SDCCAG8: variants seen among roughly 807,000 people sequenced by gnomAD.
The protein encoded by SDCCAG8 is serologically defined colon cancer antigen 8.
In SDCCAG8, 74 loss-of-function variants were observed where a neutral mutation model predicts 101.8. That is an observed-to-expected ratio of 0.73 (90% CI 0.60 to 0.88). The LOEUF is 0.88. SDCCAG8 is among the 40% of genes least tolerant of loss of function. The pLI is 0.00. For missense variants in SDCCAG8, 787 were observed against 822.6 expected (o/e 0.96, Z 0.53); for synonymous variants, 281 against 292.9 (o/e 0.96, Z 0.41).
intron 16 of SDCCAG8, among the ~76,000 whole-genome samples, chr1:243,455,149 A>G (rs1230492207): frequency 6.6e-6 from 1 of 152,248 alleles, no homozygotes; most frequent in South Asian, 2.1e-4. Flanking sequence ...GAATGAAGAA[A>G]TGAAAACTTT....
At chr1:243,344,165 T>C (rs757379289) in intron 11 of SDCCAG8, 50 bp from the exon 12 acceptor site, 1 of 1,466,058 alleles carries the variant, frequency 6.8e-7, no homozygotes, top group South Asian at 1.1e-5. Context: ...TTGCAGGCAT[T>C]GCCTGGTAGA....
At chr1:243,292,221 C>T (rs968933036) in intron 5 of SDCCAG8, among the ~76,000 whole-genome samples, 1 of 152,094 alleles carries the variant, frequency 6.6e-6, no homozygotes, top group African/African-American at 2.4e-5. Flanking sequence ...TGGCTGTTGG[C>T]GATTAAGTCA....
At chr1:243,279,480 G>A (rs2068850861) in intron 4 of SDCCAG8, among the ~76,000 whole-genome samples, 1 of 152,208 alleles carries the variant, frequency 6.6e-6, no homozygotes. Flanking sequence ...CATATTGCTA[G>A]CTTGAGAAAA....
In SDCCAG8 at chr1:243,474,271, C is replaced by A. The variant is rs1395291685; in HGVS notation, c.1986-14743C>A. ...GAGCATGGAGTTAATGAAGCTTTCA[C>A]CCATCTCCTCCTCTCAACCGTCATC... is the stretch of plus-strand genomic sequence containing the variant. On this transcript the variant is annotated intron_variant, in intron 16 of 17. Coordinates refer to ENST00000366541, the MANE Select transcript of SDCCAG8 (RefSeq NM_006642.5). The surrounding 1 kb of genome is among the most constrained non-coding windows in gnomAD (Gnocchi z 4.7). 2.0e-5 allele frequency among the ~76,000 whole-genome samples: 3 copies of A among 152,196 alleles called. No homozygotes were observed. The highest frequency in any genetic ancestry group is 2.0e-4 in the Admixed American group (3 of 15,286).
rs897520536 is a variant in SDCCAG8, at chr1:243,472,013, C to T, written c.1986-17001C>T. ...CATTCTTATTTTGGGAGGCTGGAGG[C>T]GGGAGAAGCAGTGAGACCTCACAAC... On this transcript the variant is annotated intron_variant, in intron 16 of 17. Transcript: ENST00000366541. 8.5e-5 allele frequency among the ~76,000 whole-genome samples: 13 copies of T among 152,150 alleles called. No individual in the cohort carries two copies. In the South Asian group the frequency reaches 1.7e-3, roughly 19 times the overall value.
At chr1:243,265,342 A>G (rs1435331967) in intron 1 of SDCCAG8, among the ~76,000 whole-genome samples, 1 of 152,226 alleles carries the variant, frequency 6.6e-6, no homozygotes, top group Non-Finnish European at 1.5e-5. Context: ...GTAGTTGCAA[A>G]CAAACAAACC....
intron 12 of SDCCAG8, among the ~76,000 whole-genome samples, chr1:243,354,684 C>T (rs529508220): frequency 1.6e-4 from 24 of 152,282 alleles, no homozygotes; most frequent in East Asian, 1.2e-3. Flanking sequence ...ACTAGAGAAA[C>T]GCACCATTAA....
At chr1:243,300,248 C>T (rs555423724) in intron 6 of SDCCAG8, among the ~76,000 whole-genome samples, 14 of 152,210 alleles carry the variant, frequency 9.2e-5, no homozygotes, top group African/African-American at 3.4e-4. Flanking sequence ...CTTGATTGCT[C>T]ACTTCAGAAA....
At chr1:243,492,510 G>T (rs1037265440) in intron 17 of SDCCAG8, among the ~76,000 whole-genome samples, 2 of 150,844 alleles carry the variant, frequency 1.3e-5, no homozygotes, top group Non-Finnish European at 2.9e-5. Flanking sequence ...CGCCATGTTG[G>T]CCAGGCTGGT....
rs189723696 is a variant in SDCCAG8 at position 243,322,606 on chromosome 1, G to A, written c.1068+5713G>A. On this transcript the variant is annotated intron_variant, in intron 9 of 17. Transcript: ENST00000366541. ...CTCCACCCTGATCACTGTTAAATCC[G>A]TAGCATCTTGCGTAGATCTCAACAC... 3.3e-3 allele frequency among the ~76,000 whole-genome samples: 503 copies of A among 152,166 alleles called. 1 individual carries two copies. Among genetic ancestry groups the A allele is most frequent in the Non-Finnish European group, 5.2e-3 (357 of 68,004 alleles).
intron 16 of SDCCAG8, among the ~76,000 whole-genome samples, chr1:243,486,087 C>G (rs1175444646): frequency 6.7e-6 from 1 of 150,212 alleles, no homozygotes; most frequent in Non-Finnish European, 1.5e-5. Context: ...ATTCCAGCTA[C>G]TCTACTCGGG....
intron 15 of SDCCAG8, among the ~76,000 whole-genome samples, chr1:243,420,311 T>C (rs2080905906): frequency 6.6e-6 from 1 of 152,228 alleles, no homozygotes; most frequent in African/African-American, 2.4e-5. Flanking sequence ...TAGATACGCA[T>C]ACATACACGT....
chr1:243,322,366 T>C (rs1218294693), intron 9 of SDCCAG8, among the ~76,000 whole-genome samples: 1 of 152,130 alleles, frequency 6.6e-6, no homozygotes, highest in Admixed American at 6.5e-5. Flanking sequence ...AGGTTAAACC[T>C]CTCATGTACC....
rs114986431 is a variant in SDCCAG8, at chr1:243,289,882, T to C, written c.547-3209T>C. Among the ~76,000 whole-genome samples the C allele has an allele frequency of 6.9e-3, 1,048 of 152,184 alleles. 12 individuals are homozygous for C. Among genetic ancestry groups the C allele is most frequent in the African/African-American group, 0.024 (1,011 of 41,534 alleles). Reference sequence around the variant, plus strand: ...GAATCTCCTTTTTATTGTCTCCTGCTTGTAGCCCTGGACTTTGATGGTAGC... The same window carrying C: ...GAATCTCCTTTTTATTGTCTCCTGCCTGTAGCCCTGGACTTTGATGGTAGC... On this transcript the variant is annotated intron_variant, in intron 5 of 17. Coordinates refer to ENST00000366541, the MANE Select transcript of SDCCAG8 (RefSeq NM_006642.5).
chr1:243,429,301 T>C (rs553271947), intron 16 of SDCCAG8, among the ~76,000 whole-genome samples: 1 of 152,342 alleles, frequency 6.6e-6, no homozygotes, highest in South Asian at 2.1e-4. Flanking sequence ...GAATATAGTG[T>C]ATAACACATA....
rs2072348180 is a variant in SDCCAG8, at chr1:243,308,175, T to G, written c.927T>G (p.Val309=). ...NVHMQTIERL[V]KERDDLMSAL... Reference sequence around the variant, plus strand: ...ATATGCAGACCATCGAAAGACTGGTTAAGTAAGTATGCTTCTACGCGCACG... The same window carrying G: ...ATATGCAGACCATCGAAAGACTGGTGAAGTAAGTATGCTTCTACGCGCACG... The change falls in exon 8 of 18, where the codon GTT becomes GTG. Residue 309 remains valine (V), a splice_region_variant and synonymous_variant. Transcript: ENST00000366541. The G allele has an allele frequency of 1.9e-6, 3 of 1,614,150 alleles. No homozygotes were observed. In the South Asian group the frequency reaches 3.3e-5, roughly 18 times the overall value.
intron 3 of SDCCAG8, among the ~76,000 whole-genome samples, chr1:243,273,642 G>A (rs578221960): frequency 1.3e-5 from 2 of 152,240 alleles, no homozygotes; most frequent in Non-Finnish European, 2.9e-5. Flanking sequence ...TTTTTGAGAT[G>A]GAATTTCATC....
chr1:243,419,437 G>T (rs2080835534), intron 15 of SDCCAG8, among the ~76,000 whole-genome samples: 1 of 152,152 alleles, frequency 6.6e-6, no homozygotes, highest in South Asian at 2.1e-4. Flanking sequence ...ATCATTTAGG[G>T]ATAAAATGAT....
At chr1:243,483,546 G>A (rs1664201706) in intron 16 of SDCCAG8, among the ~76,000 whole-genome samples, 1 of 152,068 alleles carries the variant, frequency 6.6e-6, no homozygotes, top group African/African-American at 2.4e-5. Flanking sequence ...CAGCGGCTTC[G>A]GTGGCTCCCA....
Sources: allele counts gnomAD v4.1 joint callset (sites outside exome capture counted in the v4.1 genomes callset), GRCh38; gene constraint gnomAD v4.1.1; non-coding constraint Gnocchi (gnomAD v3.1); transcripts MANE v1.5; gene names NCBI Gene and HGNC (gene_info 2026-07-23, HGNC 2026-07-21).